RBMS3: variants seen among roughly 807,000 people sequenced by gnomAD.
RBMS3 encodes RNA binding motif single stranded interacting protein 3.
In RBMS3, 27 loss-of-function variants were observed where a neutral mutation model predicts 66.8. That is an observed-to-expected ratio of 0.40 (90% confidence interval 0.30 to 0.56). The LOEUF is 0.56. Ranked by LOEUF, RBMS3 falls within the 20% of genes least tolerant of loss-of-function variation. The probability of loss-of-function intolerance (pLI) is 0.40; values close to 1 mark genes in which losing one functional copy is unlikely to be tolerated. For synonymous variants in RBMS3, 188 were observed against 183.0 expected, an observed-to-expected ratio of 1.03 and a Z score of -0.22; for missense variants, 513 against 549.5, an observed-to-expected ratio of 0.93 and a Z score of 0.66.
intron 6 of RBMS3, among the ~76,000 whole-genome samples, chr3:29,776,167 C>A (rs2371816): frequency 6.6e-6 from 1 of 151,670 alleles, no homozygotes; most frequent in Non-Finnish European, 1.5e-5. Context: ...GAGCGCCATT[C>A]GTCCAGCTTA....
At chr3:29,369,717 A>T (rs1297128477) in intron 1 of RBMS3, among the ~76,000 whole-genome samples, 1 of 152,128 alleles carries the variant, frequency 6.6e-6, no homozygotes, top group Non-Finnish European at 1.5e-5. Flanking sequence ...AGAGACAGAA[A>T]ATATGGGGAA....
intron 4 of RBMS3, among the ~76,000 whole-genome samples, chr3:29,650,279 C>T (rs12107776): frequency 0.011 from 1,100 of 95,816 alleles, 16 homozygotes; most frequent in Admixed American, 0.06. Context: ...TCCTTTCTTT[C>T]TTTTTTTTTT....
intron 10 of RBMS3, among the ~76,000 whole-genome samples, chr3:29,927,784 G>T (rs967252558): frequency 5.9e-5 from 9 of 152,130 alleles, no homozygotes; most frequent in Admixed American, 3.9e-4. Flanking sequence ...GATCCTCGTA[G>T]ATTATGTGTG....
intron 14 of RBMS3, among the ~76,000 whole-genome samples, chr3:30,003,142 CA>C (rs1397735947): frequency 6.6e-6 from 1 of 151,788 alleles, no homozygotes; most frequent in Non-Finnish European, 1.5e-5. Context: ...AATCTGTGGG[CA>C]AAAAAGCTAA....
chr3:29,701,610 G>A (rs763652122), intron 4 of RBMS3, among the ~76,000 whole-genome samples: 5 of 152,042 alleles, frequency 3.3e-5, no homozygotes, highest in African/African-American at 7.2e-5. Context: ...GGCTGCGCGC[G>A]TCGTTCACGG....
intron 3 of RBMS3, among the ~76,000 whole-genome samples, chr3:29,510,414 C>T (rs9867031): frequency 0.083 from 12,570 of 152,204 alleles, 906 homozygotes; most frequent in East Asian, 0.37. Context: ...ATTAGGCAAA[C>T]TTAAATTCTA....
At chr3:29,699,414 T>G (rs1242505695) in intron 4 of RBMS3, among the ~76,000 whole-genome samples, 1 of 152,216 alleles carries the variant, frequency 6.6e-6, no homozygotes, top group African/African-American at 2.4e-5. Flanking sequence ...CCCTAAGTGC[T>G]GGTATTACAG....
At chr3:29,511,689 A>G (rs971818110) in intron 3 of RBMS3, among the ~76,000 whole-genome samples, 1 of 152,170 alleles carries the variant, frequency 6.6e-6, no homozygotes, top group Admixed American at 6.5e-5. Context: ...CATAAAGAAT[A>G]ACACCCCTTT....
chr3:29,558,537 C>T (rs1038750513), intron 3 of RBMS3, among the ~76,000 whole-genome samples: 44 of 152,256 alleles, frequency 2.9e-4, no homozygotes, highest in African/African-American at 1.0e-3. Flanking sequence ...ACTTGTAACA[C>T]TAAATTTCAA....
At chr3:29,639,624 A>AGAGAG (rs1576416877) in intron 4 of RBMS3, among the ~76,000 whole-genome samples, 2 of 150,868 alleles carry the variant, frequency 1.3e-5, no homozygotes, top group Non-Finnish European at 1.5e-5. Flanking sequence ...AGAGAGAGAG[A>AGAGAG]ATGATCAGAA....
chr3:29,304,208 G>C (rs768482825), intron 1 of RBMS3, among the ~76,000 whole-genome samples: 1 of 151,946 alleles, frequency 6.6e-6, no homozygotes, highest in African/African-American at 2.4e-5. Flanking sequence ...ATCATGTGCT[G>C]TCATTTTTGG....
chr3:29,605,391 A>C (rs2048289936), intron 4 of RBMS3, among the ~76,000 whole-genome samples: 1 of 151,896 alleles, frequency 6.6e-6, no homozygotes, highest in Non-Finnish European at 1.5e-5. Context: ...GAATAATACT[A>C]TGGAAATTCC....
intron 6 of RBMS3, among the ~76,000 whole-genome samples, chr3:29,863,920 G>T (rs972746013): frequency 3.9e-5 from 6 of 152,132 alleles, no homozygotes; most frequent in Non-Finnish European, 5.9e-5. Flanking sequence ...CTCATTTAGA[G>T]AATTTTATTT....
intron 6 of RBMS3, among the ~76,000 whole-genome samples, chr3:29,862,862 A>G (rs1301610519): frequency 6.7e-6 from 1 of 149,310 alleles, no homozygotes; most frequent in Non-Finnish European, 1.5e-5. Context: ...AAAAAGAAAA[A>G]AGAAAAAAAA....
chr3:29,754,036 C>A (rs1349239355), intron 5 of RBMS3, among the ~76,000 whole-genome samples: 1 of 151,888 alleles, frequency 6.6e-6, no homozygotes, highest in African/African-American at 2.4e-5. Context: ...TGGCTGACTG[C>A]AACTTCTGCC....
intron 4 of RBMS3, among the ~76,000 whole-genome samples, chr3:29,633,551 C>A (rs1357415698): frequency 6.6e-6 from 1 of 151,848 alleles, no homozygotes; most frequent in Non-Finnish European, 1.5e-5. Context: ...CAATGTACAT[C>A]ATCACAGAAC....
chr3:29,938,428 T>A (rs1010564366), intron 11 of RBMS3, among the ~76,000 whole-genome samples: 11 of 151,990 alleles, frequency 7.2e-5, no homozygotes, highest in African/African-American at 2.2e-4. Context: ...AATGCTTAGA[T>A]ACATTATAAG....
At chr3:29,630,310 G>C (rs573300746) in intron 4 of RBMS3, among the ~76,000 whole-genome samples, 3 of 152,008 alleles carry the variant, frequency 2.0e-5, no homozygotes, top group Admixed American at 1.3e-4. Flanking sequence ...AACAGCAACT[G>C]TTCAAGTTAG....
intron 14 of RBMS3, among the ~76,000 whole-genome samples, chr3:29,994,424 C>T (rs1473599183): frequency 1.3e-5 from 2 of 152,212 alleles, no homozygotes; most frequent in Non-Finnish European, 2.9e-5. Flanking sequence ...GGGTGGAGCC[C>T]ACCACAGCTC....
Sources: gnomAD v4.1 joint callset for allele counts (sites outside exome capture counted in the v4.1 genomes callset) on GRCh38, gnomAD v4.1.1 for gene constraint, MANE v1.5 for transcripts, NCBI Gene and HGNC (gene_info 2026-07-23, HGNC 2026-07-21) for gene names.